Variants in PVT1 observed in about 807,000 individuals in gnomAD.
PVT1 encodes Pvt1 oncogene.
intron 2 of PVT1, among the ~76,000 whole-genome samples, chr8:127,882,027 G>A (rs565195112): frequency 6.6e-6 from 1 of 152,158 alleles, no homozygotes; most frequent in Non-Finnish European, 1.5e-5. Flanking sequence ...GGCATGAGCC[G>A]CTGTGCCCGG....
At chr8:127,865,272 C>A (rs535083090) in intron 2 of PVT1, among the ~76,000 whole-genome samples, 32 of 152,088 alleles carry the variant, frequency 2.1e-4, no homozygotes, top group Non-Finnish European at 4.1e-4. Flanking sequence ...GGGGGCTTTG[C>A]AGATATTGAA....
intron 2 of PVT1, among the ~76,000 whole-genome samples, chr8:127,879,865 C>T (rs761375268): frequency 4.6e-5 from 7 of 152,236 alleles, no homozygotes; most frequent in Non-Finnish European, 8.8e-5. Flanking sequence ...TTGTGCCCAG[C>T]GCACCCTTCT....
chr8:128,018,193 A>G (rs1227412436), intron 4 of PVT1, among the ~76,000 whole-genome samples: 5 of 152,232 alleles, frequency 3.3e-5, no homozygotes, highest in African/African-American at 1.2e-4. Context: ...ATTATGGGGA[A>G]AAGGGACAGG....
chr8:127,939,707 C>T (rs1816325048), intron 3 of PVT1: 1 of 152,182 alleles, frequency 6.6e-6, no homozygotes, highest in Admixed American at 6.5e-5. Context: ...CATGTGCTAA[C>T]AGAGAAGATG....
chr8:128,020,243 AAT>A (rs1240006006), intron 4 of PVT1, among the ~76,000 whole-genome samples: 2 of 152,184 alleles, frequency 1.3e-5, no homozygotes, highest in East Asian at 3.8e-4. Flanking sequence ...CCTATGAATG[AAT>A]ATGTTACTTT....
At chr8:127,852,902 C>T (rs1025345088) in intron 2 of PVT1, among the ~76,000 whole-genome samples, 2 of 152,202 alleles carry the variant, frequency 1.3e-5, no homozygotes, top group African/African-American at 4.8e-5. Flanking sequence ...TGGCGCCTTG[C>T]ACTGGGTCCA....
intron 3 of PVT1, among the ~76,000 whole-genome samples, chr8:127,986,234 A>G (rs557406777): frequency 6.6e-6 from 1 of 152,262 alleles, no homozygotes; most frequent in Non-Finnish European, 1.5e-5. Flanking sequence ...GGCAGAGAGG[A>G]GAACAGATGT....
rs778600102 is a variant in PVT1 at position 128,041,574 on chromosome 8, GTGTT to G, written n.913-28582_913-28579del. On this transcript the variant is annotated intron_variant and non_coding_transcript_variant, in intron 4 of 10. Coordinates refer to ENST00000651587, the Ensembl canonical transcript of PVT1. ...GAATGTATGTGTGTATTTTGTGTGTGTGTTTGTGTGTGTTTGCGTGTGTGTACAT... is the reference window on the plus strand; with the variant it reads ...GAATGTATGTGTGTATTTTGTGTGTGTGTGTGTGTTTGCGTGTGTGTACAT... Among the ~76,000 whole-genome samples, 15 of 146,214 alleles carry G rather than the reference GTGTT, an allele frequency of 1.0e-4. No homozygotes were observed. The East Asian group carries it at 1.2e-3, about 12-fold the overall frequency.
At chr8:127,883,631 T>G (rs1193080663) in intron 2 of PVT1, among the ~76,000 whole-genome samples, 1 of 150,628 alleles carries the variant, frequency 6.6e-6, no homozygotes, top group Non-Finnish European at 1.5e-5. Flanking sequence ...TAAAAAAAAA[T>G]AAAATTAAAA....
chr8:128,056,547 A>G (rs1390799668), intron 4 of PVT1, among the ~76,000 whole-genome samples: 2 of 152,150 alleles, frequency 1.3e-5, no homozygotes, highest in Non-Finnish European at 2.9e-5. Flanking sequence ...GCCCTGCCCC[A>G]GTGTATTTGA....
chr8:127,952,983 C>T (rs1490279835), intron 3 of PVT1, among the ~76,000 whole-genome samples: 1 of 152,150 alleles, frequency 6.6e-6, no homozygotes, highest in African/African-American at 2.4e-5. Context: ...CCAGGATGGT[C>T]TCGATCTCCT....
chr8:128,079,714 T>C (rs1278132766), intron 5 of PVT1, among the ~76,000 whole-genome samples: 1 of 152,126 alleles, frequency 6.6e-6, no homozygotes, highest in East Asian at 1.9e-4. Context: ...ACATAGGATA[T>C]AGCCTTTTCT....
intron 3 of PVT1, among the ~76,000 whole-genome samples, chr8:127,967,423 G>C (rs1031133669): frequency 1.1e-4 from 16 of 152,232 alleles, no homozygotes; most frequent in Non-Finnish European, 5.9e-5. Flanking sequence ...AAGTGGGCTT[G>C]TAATACAATA....
At chr8:127,906,887 G>A (rs1011659497) in intron 3 of PVT1, among the ~76,000 whole-genome samples, 5 of 151,952 alleles carry the variant, frequency 3.3e-5, no homozygotes, top group African/African-American at 4.8e-5. Flanking sequence ...AAACAGGCTC[G>A]GAGAGGCTGA....
chr8:127,876,818 T>C (rs1815410587), intron 2 of PVT1, among the ~76,000 whole-genome samples: 1 of 152,220 alleles, frequency 6.6e-6, no homozygotes, highest in Admixed American at 6.5e-5. Context: ...CTGTTCGTGC[T>C]GTCATCGCTT....
chr8:128,087,020 G>A (rs1367307096), intron 5 of PVT1, among the ~76,000 whole-genome samples: 2 of 152,320 alleles, frequency 1.3e-5, no homozygotes, highest in South Asian at 4.1e-4. Flanking sequence ...ATAATGCAGC[G>A]TCTTTGCTTA....
intron 2 of PVT1, among the ~76,000 whole-genome samples, chr8:127,838,615 G>C (rs1270412760): frequency 6.6e-6 from 1 of 152,174 alleles, no homozygotes; most frequent in Non-Finnish European, 1.5e-5. Context: ...TGAAACAGGA[G>C]AATCACTTGA....
chr8:128,055,170 GAC>G (rs1247518090), intron 4 of PVT1, among the ~76,000 whole-genome samples: 3 of 151,286 alleles, frequency 2.0e-5, no homozygotes, highest in Non-Finnish European at 4.4e-5. Flanking sequence ...CACATGCACA[GAC>G]ACACACACAC....
chr8:128,079,850 G>A lies in PVT1; in HGVS notation n.1114+9489G>A, dbSNP rs917751193. ...AGCAATTCTTCTGCCTCAGCCTCCC[G>A]AGTAGTTGGGACTATAGGCACCCGC... is the stretch of plus-strand genomic sequence containing the variant. On this transcript the variant is annotated intron_variant and non_coding_transcript_variant, in intron 5 of 10. Coordinates refer to ENST00000651587, the Ensembl canonical transcript of PVT1. Among the ~76,000 whole-genome samples the A allele has an allele frequency of 6.6e-5, 10 of 151,988 alleles. No homozygotes were observed. The East Asian group carries it at 1.2e-3, about 18-fold the overall frequency.
Sources: allele counts gnomAD v4.1 joint callset (sites outside exome capture counted in the v4.1 genomes callset), GRCh38; gene constraint gnomAD v4.1.1; transcripts MANE v1.5; gene names NCBI Gene and HGNC (gene_info 2026-07-23, HGNC 2026-07-21).